The following CCDC126 variants were observed in gnomAD, a reference collection of about 807,000 sequenced individuals.
CCDC126 encodes the protein coiled-coil domain containing 126.
CCDC126 carries 5 observed loss-of-function variants against 11.7 expected under a neutral mutation model. The observed-to-expected ratio is 0.43, with a 90% CI of 0.22 to 0.90. CCDC126 has a LOEUF of 0.90. Ranked by LOEUF, CCDC126 falls within the 40% of genes least tolerant of loss-of-function variation. The pLI is 0.27. For synonymous variants in CCDC126, 60 were observed against 61.9 expected, an observed-to-expected ratio of 0.97 and a Z score of 0.14; for missense variants, 150 against 163.1, an observed-to-expected ratio of 0.92 and a Z score of 0.44.
At chr7:23,634,307 T>A (rs143770813) in intron 3 of CCDC126, among the ~76,000 whole-genome samples, 13 of 152,004 alleles carry the variant, frequency 8.6e-5, no homozygotes. Context: ...CATGGTGGTG[T>A]GTGCCTGTAG....
chr7:23,608,911 G>A (rs960918133), intron 2 of CCDC126, among the ~76,000 whole-genome samples: 3 of 152,150 alleles, frequency 2.0e-5, no homozygotes, highest in Non-Finnish European at 4.4e-5. Context: ...AGAAGGTGGG[G>A]AGTGCTGATT....
At chr7:23,612,752 TG>T (rs1782739061) in intron 3 of CCDC126, among the ~76,000 whole-genome samples, 2 of 152,200 alleles carry the variant, frequency 1.3e-5, no homozygotes, top group South Asian at 4.1e-4. Context: ...TAAATTTTCC[TG>T]ATTATCCTAA....
chr7:23,629,105 G>A (rs1378538624), intron 3 of CCDC126, among the ~76,000 whole-genome samples: 1 of 152,198 alleles, frequency 6.6e-6, no homozygotes, highest in African/African-American at 2.4e-5. Flanking sequence ...GAACCAGGAA[G>A]GTCTCAGACT....
rs577034109 is a variant in CCDC126, at chr7:23,643,045, A to G, written c.353A>G (p.Asn118Ser). 15 of 1,614,120 alleles carry G rather than the reference A, an allele frequency of 9.3e-6. 1 individual carries two copies. Among genetic ancestry groups the G allele is most frequent in the Middle Eastern group, 1.6e-4 (1 of 6,062 alleles). The change falls in exon 4 of 4, where the codon AAT becomes AGT. Residue 118 changes from asparagine (N) to serine (S), a missense_variant. Coordinates refer to ENST00000307471, the MANE Select transcript of CCDC126 (RefSeq NM_138771.4). ...VVNGSAANTT[N>S]GTSGNLVPVT... is the part of the protein sequence containing the mutation. ...AATGGCTCAGCAGCCAACACCACCA[A>G]TGGTACTAGTGGGAATTTGGTGCCA...
chr7:23,604,751 C>T (rs1226488051), intron 2 of CCDC126, among the ~76,000 whole-genome samples: 3 of 152,048 alleles, frequency 2.0e-5, no homozygotes, highest in Admixed American at 6.6e-5. Flanking sequence ...AATCCCAGCA[C>T]TTTGGGAGGC....
intron 2 of CCDC126, among the ~76,000 whole-genome samples, chr7:23,609,470 C>A (rs1275761145): frequency 6.6e-6 from 1 of 152,166 alleles, no homozygotes; most frequent in East Asian, 1.9e-4. Context: ...CATGCCTGGA[C>A]AATTTCTAAT....
chr7:23,624,595 T>C (rs1031155270), intron 3 of CCDC126, among the ~76,000 whole-genome samples: 2 of 152,234 alleles, frequency 1.3e-5, no homozygotes, highest in African/African-American at 2.4e-5. Context: ...GTGTCTGTTA[T>C]AATAAATGAG....
intron 3 of CCDC126, among the ~76,000 whole-genome samples, chr7:23,631,795 G>GT (rs1783120518): frequency 6.6e-6 from 1 of 151,390 alleles, no homozygotes; most frequent in Non-Finnish European, 1.5e-5. Flanking sequence ...TAATTTAAAA[G>GT]TCCCCCCCCA....
intron 3 of CCDC126, among the ~76,000 whole-genome samples, chr7:23,627,436 A>G (rs1158116203): frequency 2.0e-5 from 3 of 151,874 alleles, no homozygotes; most frequent in Admixed American, 2.0e-4. Context: ...GGTAGGCAGC[A>G]GGCACCCGTA....
In CCDC126 at chr7:23,643,584, AT is replaced by A. The variant is rs1783404251; in HGVS notation, c.*473del. On this transcript the variant is annotated 3_prime_UTR_variant, in exon 4 of 4. Coordinates refer to ENST00000307471, the MANE Select transcript of CCDC126 (RefSeq NM_138771.4). ...TGAAAAAATGTGCTTATTGTACTATATTTTGTTATTCCAATTATGAGCAGAG... is the reference window on the plus strand; with the variant it reads ...TGAAAAAATGTGCTTATTGTACTATATTTGTTATTCCAATTATGAGCAGAG... 1 of 153,072 alleles carries A rather than the reference AT, an allele frequency of 6.5e-6. No individual in the cohort carries two copies. The highest frequency in any genetic ancestry group is 1.5e-5 in the Non-Finnish European group (1 of 68,360). 9.5% of individuals were successfully genotyped at this position (153,072 alleles called of 1,614,324 possible).
rs1464843343 is a variant in CCDC126 at position 23,638,740 on chromosome 7, A to C, written c.239-4191A>C. Among the ~76,000 whole-genome samples, 1,298 of 139,742 alleles carry C rather than the reference A, an allele frequency of 9.3e-3. 22 individuals are homozygous for C. Among genetic ancestry groups the C allele is most frequent in the African/African-American group, 0.031 (1,211 of 39,404 alleles). 91.7% of individuals were successfully genotyped at this position (139,742 alleles called of 152,430 possible). On this transcript the variant is annotated intron_variant, in intron 3 of 3. Transcript: ENST00000307471. ...AAAAAAAAAAATTAAAAAAAAAAAA[A>C]AAAAAACCAAAAAGATCTATAGCAG... is the stretch of plus-strand genomic sequence containing the variant.
At chr7:23,633,597 C>T (rs560543562) in intron 3 of CCDC126, among the ~76,000 whole-genome samples, 1 of 151,640 alleles carries the variant, frequency 6.6e-6, no homozygotes, top group African/African-American at 2.4e-5. Context: ...GGTGTGGTGA[C>T]TCATGCCTGT....
In CCDC126 at chr7:23,637,678, A is replaced by T. The variant is rs752162234; in HGVS notation, c.239-5253A>T. Among the ~76,000 whole-genome samples, 2 of 2,750 alleles carry T rather than the reference A, an allele frequency of 7.3e-4. 1 individual carries two copies. The highest frequency in any genetic ancestry group is 1.2e-3 in the Non-Finnish European group (2 of 1,658). 1.8% of individuals were successfully genotyped at this position (2,750 alleles called of 152,430 possible). A position where few individuals can be genotyped will look rare whatever the true frequency, so the allele number is the denominator to read the frequency against. On this transcript the variant is annotated intron_variant, in intron 3 of 3. Transcript: ENST00000307471. The stretch of plus-strand genomic sequence containing the variant: ...GGTGGGGGGGTCAGCCCCCCGCCCG[A>T]CCAGCCGCCCCGTCCAGGAGGGAGG...
chr7:23,626,923 C>T (rs1490404690), intron 3 of CCDC126, among the ~76,000 whole-genome samples: 1 of 152,120 alleles, frequency 6.6e-6, no homozygotes, highest in African/African-American at 2.4e-5. Context: ...CATTTCCATC[C>T]ACCTTATATC....
At chr7:23,624,801 A>T (rs1322981847) in intron 3 of CCDC126, among the ~76,000 whole-genome samples, 1 of 152,222 alleles carries the variant, frequency 6.6e-6, no homozygotes, top group East Asian at 1.9e-4. Context: ...TCCATTTTAT[A>T]CACATAGGTC....
chr7:23,617,208 C>T (rs566620792), intron 3 of CCDC126, among the ~76,000 whole-genome samples: 7 of 151,738 alleles, frequency 4.6e-5, no homozygotes, highest in East Asian at 1.9e-4. Context: ...ATTATCTGGA[C>T]GTGGTGGCAC....
intron 3 of CCDC126, among the ~76,000 whole-genome samples, chr7:23,632,997 G>T (rs1783142241): frequency 6.6e-6 from 1 of 152,058 alleles, no homozygotes; most frequent in South Asian, 2.1e-4. Context: ...CTGCCTTGCA[G>T]TCCTTTTTTT....
At chr7:23,621,645 C>G (rs1040141914) in intron 3 of CCDC126, among the ~76,000 whole-genome samples, 1 of 152,154 alleles carries the variant, frequency 6.6e-6, no homozygotes, top group African/African-American at 2.4e-5. Flanking sequence ...AGAGGTCATC[C>G]CTGTCTTGTG....
rs146389088 is a variant in CCDC126 at position 23,640,366 on chromosome 7, G to A, written c.239-2565G>A. On this transcript the variant is annotated intron_variant, in intron 3 of 3. Transcript: ENST00000307471. ...TACAAAATTAGCCAGGCATGGTGTT[G>A]CATGCCTGTAATCCCAGCTACTCGG... Among the ~76,000 whole-genome samples the A allele has an allele frequency of 7.4e-3, 1,127 of 151,286 alleles. 13 individuals are homozygous for A. The highest frequency in any genetic ancestry group is 0.025 in the African/African-American group (1,010 of 41,126).
Sources: allele counts gnomAD v4.1 joint callset (sites outside exome capture counted in the v4.1 genomes callset), GRCh38; gene constraint gnomAD v4.1.1; transcripts MANE v1.5; gene names NCBI Gene and HGNC (gene_info 2026-07-23, HGNC 2026-07-21).